Variants in SRGAP1 observed in about 807,000 individuals in gnomAD.
The protein encoded by SRGAP1 is SLIT-ROBO Rho GTPase activating protein 1.
SRGAP1 carries 43 observed loss-of-function variants against 121.9 expected under a neutral mutation model. That is an observed-to-expected ratio of 0.35 (90% CI 0.28 to 0.46). The LOEUF is 0.46. SRGAP1 is among the 20% of genes least tolerant of loss of function. The pLI, the probability that SRGAP1 is intolerant of heterozygous loss-of-function variation, is 1.00. For missense variants in SRGAP1, 1,102 were observed against 1,350.9 expected (o/e 0.82, Z 2.89); for synonymous variants, 447 against 485.4 (o/e 0.92, Z 1.04).
chr12:64,080,373 G>T lies in SRGAP1; in HGVS notation c.1408+3G>T, dbSNP rs200404910. On this transcript the variant is annotated splice_donor_region_variant and intron_variant, in intron 10 of 21. Coordinates refer to ENST00000355086, the MANE Select transcript of SRGAP1 (RefSeq NM_020762.4). ...GCTGCAGAGGACCCTGGGAGAAGGTGAGTTATCCAAAATGTATGGGAAGAT... is the reference window on the plus strand; with the variant it reads ...GCTGCAGAGGACCCTGGGAGAAGGTTAGTTATCCAAAATGTATGGGAAGAT... The T allele has an allele frequency of 1.2e-6, 2 of 1,610,922 alleles. No homozygotes were observed. Among genetic ancestry groups the T allele is most frequent in the South Asian group, 2.2e-5 (2 of 90,962 alleles).
Position 63,850,854 on chromosome 12 carries a change from A to T in SRGAP1, c.67+5971A>T, listed in dbSNP as rs796692341. 2.0e-5 allele frequency among the ~76,000 whole-genome samples: 3 copies of T among 152,210 alleles called. No individual in the cohort carries two copies. In the South Asian group the frequency reaches 6.2e-4, roughly 31 times the overall value. ...ATTTATGCTTTAGCAGTTTGAAGGC[A>T]GAATTTTGGATTAGAGGATGGGCAT... On this transcript the variant is annotated intron_variant, in intron 1 of 21. Coordinates refer to ENST00000355086, the MANE Select transcript of SRGAP1 (RefSeq NM_020762.4).
At chr12:63,881,912 T>C (rs1043735523) in intron 1 of SRGAP1, among the ~76,000 whole-genome samples, 3 of 152,180 alleles carry the variant, frequency 2.0e-5, no homozygotes, top group African/African-American at 7.2e-5. Flanking sequence ...TAAAATAAAT[T>C]ACTAAAACTC....
At chr12:64,098,164 C>G (rs905067063) in intron 15 of SRGAP1, among the ~76,000 whole-genome samples, 1 of 151,994 alleles carries the variant, frequency 6.6e-6, no homozygotes, top group African/African-American at 2.4e-5. Context: ...CCTCCACCCC[C>G]CATCTGAATC....
intron 1 of SRGAP1, among the ~76,000 whole-genome samples, chr12:63,945,122 C>T (rs187932266): frequency 6.6e-5 from 10 of 152,210 alleles, no homozygotes; most frequent in African/African-American, 2.4e-4. Context: ...CTCTTTCTGC[C>T]CACCCCTCCC....
chr12:63,945,619 T>A (rs1408164678), intron 1 of SRGAP1, among the ~76,000 whole-genome samples: 1 of 152,224 alleles, frequency 6.6e-6, no homozygotes, highest in East Asian at 1.9e-4. Flanking sequence ...AGTTTAGGGA[T>A]GTCTAAATGT....
At chr12:63,889,994 G>T (rs1900523876) in intron 1 of SRGAP1, among the ~76,000 whole-genome samples, 1 of 151,916 alleles carries the variant, frequency 6.6e-6, no homozygotes, top group Non-Finnish European at 1.5e-5. Context: ...TTATCTGTTT[G>T]TTCCATGACA....
intron 17 of SRGAP1, 87 bp from the exon 18 acceptor site, chr12:64,115,727 C>A: frequency 9.9e-7 from 1 of 1,011,378 alleles, no homozygotes; most frequent in Non-Finnish European, 1.5e-6. Context: ...CACCACTGCA[C>A]TCCAGCCTAG....
At chr12:63,951,745 T>A (rs1035007417) in intron 1 of SRGAP1, among the ~76,000 whole-genome samples, 1 of 152,248 alleles carries the variant, frequency 6.6e-6, no homozygotes, top group Non-Finnish European at 1.5e-5. Flanking sequence ...GTTGATGGAA[T>A]GAAGACAAAC....
At chr12:63,986,207 C>G (rs111433975) in intron 2 of SRGAP1, among the ~76,000 whole-genome samples, 33 of 151,024 alleles carry the variant, frequency 2.2e-4, no homozygotes, top group Non-Finnish European at 2.5e-4. Context: ...CTCTCTCCCC[C>G]CCGACACACA....
chr12:64,100,029 T>G (rs2036228586), intron 15 of SRGAP1, among the ~76,000 whole-genome samples: 1 of 152,196 alleles, frequency 6.6e-6, no homozygotes, highest in Admixed American at 6.5e-5. Context: ...AAATAGCTGT[T>G]TCTTCACCTA....
chr12:63,855,065 A>AT (rs1234109766), intron 1 of SRGAP1, among the ~76,000 whole-genome samples: 2 of 152,100 alleles, frequency 1.3e-5, no homozygotes, highest in Admixed American at 1.3e-4. Context: ...AACTAGAGAG[A>AT]TTTTTTTCTT....
Position 64,147,625 on chromosome 12 carries a change from T to C in SRGAP1, c.*4953T>C, listed in dbSNP as rs2037074758. ...ATTCGCCCGTGCTCTGTACTGCCTC[T>C]CACCATTTCATTCCCTCCTCTCTGA... On this transcript the variant is annotated 3_prime_UTR_variant, in exon 22 of 22. Transcript: ENST00000355086. The C allele has an allele frequency of 2.5e-6, 1 of 398,626 alleles. No individual in the cohort carries two copies. The highest frequency in any genetic ancestry group is 4.4e-5 in the Admixed American group (1 of 22,710). The allele number at this position is 398,626 out of a possible 1,614,324, so 24.7% of individuals were successfully genotyped here.
At chr12:63,881,673 C>G (rs1345913936) in intron 1 of SRGAP1, among the ~76,000 whole-genome samples, 2 of 152,198 alleles carry the variant, frequency 1.3e-5, no homozygotes, top group African/African-American at 4.8e-5. Context: ...TTTATCATCA[C>G]TTGATGTATG....
At chr12:63,943,822 C>G (rs1309943995) in intron 1 of SRGAP1, among the ~76,000 whole-genome samples, 1 of 152,028 alleles carries the variant, frequency 6.6e-6, no homozygotes, top group Non-Finnish European at 1.5e-5. Context: ...TAGGCATCAG[C>G]AGTACATGGC....
At chr12:63,894,769 G>T (rs1043805785) in intron 1 of SRGAP1, among the ~76,000 whole-genome samples, 4 of 152,094 alleles carry the variant, frequency 2.6e-5, no homozygotes, top group Admixed American at 2.6e-4. Flanking sequence ...ATGGTTTCCA[G>T]CTTCATCCAT....
chr12:64,042,967 G>A lies in SRGAP1; in HGVS notation c.667G>A (p.Glu223Lys). The A allele has an allele frequency of 6.2e-7, 1 of 1,609,096 alleles. No homozygotes were observed. Among genetic ancestry groups the A allele is most frequent in the Non-Finnish European group, 8.5e-7 (1 of 1,177,088 alleles). Residue 223 changes from glutamate to lysine, a missense_variant, in exon 5 of 22, where the codon GAA becomes AAA. This residue lies in a region of SRGAP1 where 747 missense variants were observed against 929.4 expected (regional missense o/e 0.80). Coordinates refer to ENST00000355086, the MANE Select transcript of SRGAP1 (RefSeq NM_020762.4). ...TGTAAAGAAAATTGAAAAAATGAAAGAAAAAGTAAGTAAAGAGATTGCAGA... is the reference window on the plus strand; with the variant it reads ...TGTAAAGAAAATTGAAAAAATGAAAAAAAAAGTAAGTAAAGAGATTGCAGA... Reference protein sequence around the residue: ...SSVKKIEKMKEKRQAKYSENK... With the variant: ...SSVKKIEKMKKKRQAKYSENK...
intron 1 of SRGAP1, among the ~76,000 whole-genome samples, chr12:63,903,521 C>G (rs2030040319): frequency 6.6e-6 from 1 of 151,842 alleles, no homozygotes; most frequent in Non-Finnish European, 1.5e-5. Context: ...GCTGGGATAA[C>G]AGGCGTGAGC....
intron 3 of SRGAP1, among the ~76,000 whole-genome samples, chr12:64,002,853 C>A (rs1339791454): frequency 6.6e-6 from 1 of 151,990 alleles, no homozygotes; most frequent in Non-Finnish European, 1.5e-5. Context: ...CTAGGAGTTT[C>A]ATAATATAAT....
rs1178048202 is a variant in SRGAP1, at chr12:64,148,675, A to G, written c.*6003A>G. ...TGTAAAACAATGTAAGTTGTGCAAG[A>G]TTGAATATTGATAAGATATAAAGTT... On this transcript the variant is annotated 3_prime_UTR_variant, in exon 22 of 22. Coordinates refer to ENST00000355086, the MANE Select transcript of SRGAP1 (RefSeq NM_020762.4). The G allele has an allele frequency of 1.3e-5, 2 of 152,238 alleles. No homozygotes were observed. Among genetic ancestry groups the G allele is most frequent in the Non-Finnish European group, 2.9e-5 (2 of 68,032 alleles). 9.4% of individuals were successfully genotyped at this position (152,238 alleles called of 1,614,324 possible). A position where few individuals can be genotyped will look rare whatever the true frequency, so the allele number is the denominator to read the frequency against.
Sources: gnomAD v4.1 joint callset for allele counts (sites outside exome capture counted in the v4.1 genomes callset) on GRCh38, gnomAD v4.1.1 for gene constraint, gnomAD v4.1.1 regional missense constraint, MANE v1.5 for transcripts, NCBI Gene and HGNC (gene_info 2026-07-23, HGNC 2026-07-21) for gene names.